GPR137C: variants seen among roughly 807,000 people sequenced by gnomAD.
GPR137C encodes the protein integral membrane protein GPR137C.
GPR137C carries 27 observed loss-of-function variants against 43.4 expected under a neutral mutation model. The observed-to-expected ratio is 0.62, with a 90% CI of 0.46 to 0.86. The LOEUF (loss-of-function observed/expected upper bound fraction) is 0.86. Among genes scored for constraint, GPR137C ranks in the 40% least tolerant of loss-of-function variants. GPR137C has a pLI of 0.00. For missense variants in GPR137C, 522 were observed against 534.6 expected (o/e 0.98, Z 0.23); for synonymous variants, 285 against 226.9 (o/e 1.26, Z -2.30).
At position 52,553,289 on chromosome 14, in the gene GPR137C, G is replaced by C. The variant is rs934074157; in HGVS notation, c.142G>C (p.Ala48Pro). The C allele has an allele frequency of 1.3e-6, 2 of 1,520,714 alleles. No homozygotes were observed. Among genetic ancestry groups the C allele is most frequent in the South Asian group, 1.2e-5 (1 of 81,096 alleles). 94.2% of individuals were successfully genotyped at this position (1,520,714 alleles called of 1,614,324 possible). Residue 48 changes from alanine to proline, a missense_variant, in exon 1 of 7, where the codon GCG becomes CCG. Physicochemically the swap from Ala to Pro is conservative, Grantham distance 27. Transcript: ENST00000321662. ...GAAVPGSVQLALSVLHALLYA... is the reference protein window; with the variant it reads ...GAAVPGSVQLPLSVLHALLYA... ...CGCGGTGCCGGGCTCCGTGCAGTTG[G>C]CGCTGAGCGTCCTGCACGCCCTGCT...
At position 52,577,514 on chromosome 14, in the gene GPR137C, G is replaced by GCACACACACACACACA. The variant is rs752625898; in HGVS notation, c.445-20757_445-20756insACACACACACACACAC. Among the ~76,000 whole-genome samples the GCACACACACACACACA allele has an allele frequency of 2.8e-3, 334 of 118,514 alleles. 3 individuals carry two copies. The highest frequency in any genetic ancestry group is 5.5e-3 in the Admixed American group (68 of 12,452). 77.7% of individuals were successfully genotyped at this position (118,514 alleles called of 152,430 possible). The stretch of plus-strand genomic sequence containing the variant: ...ACCAAACATGCACGCGTGCGCGCGC[G>GCACACACACACACACA]CGCACACACACACACACACACACAC... On this transcript the variant is annotated intron_variant, in intron 1 of 6. Transcript: ENST00000321662.
chr14:52,561,072 C>T (rs752142733), intron 1 of GPR137C, among the ~76,000 whole-genome samples: 10 of 150,862 alleles, frequency 6.6e-5, no homozygotes, highest in African/African-American at 9.9e-5. Context: ...ATATGCATAG[C>T]CAAGAAACAC....
At chr14:52,579,899 A>G (rs2038618703) in intron 1 of GPR137C, among the ~76,000 whole-genome samples, 2 of 152,246 alleles carry the variant, frequency 1.3e-5, no homozygotes, top group Non-Finnish European at 2.9e-5. Flanking sequence ...ATTCCAAGAA[A>G]GAAAACAGGT....
At chr14:52,621,222 C>A (rs906403729) in intron 3 of GPR137C, among the ~76,000 whole-genome samples, 4 of 151,750 alleles carry the variant, frequency 2.6e-5, no homozygotes, top group Non-Finnish European at 5.9e-5. Context: ...ACTCACTTCT[C>A]ATCAGAAATA....
chr14:52,614,390 G>C (rs1158190799), intron 3 of GPR137C, among the ~76,000 whole-genome samples: 1 of 152,062 alleles, frequency 6.6e-6, no homozygotes, highest in East Asian at 1.9e-4. Flanking sequence ...CAAATTGCTG[G>C]GATTACAGGT....
At chr14:52,580,601 C>T (rs111525392) in intron 1 of GPR137C, among the ~76,000 whole-genome samples, 3 of 151,768 alleles carry the variant, frequency 2.0e-5, no homozygotes, top group African/African-American at 7.2e-5. Flanking sequence ...TGAGCTCAGG[C>T]GATCCACCCA....
chr14:52,598,438 A>T (rs2038883548), intron 2 of GPR137C, 123 bp downstream of exon 2: 1 of 441,394 alleles, frequency 2.3e-6, no homozygotes, highest in African/African-American at 2.0e-5. Flanking sequence ...GGTAGAAGGG[A>T]GTGGTTGTTG....
At chr14:52,566,413 C>T (rs1285375089) in intron 1 of GPR137C, among the ~76,000 whole-genome samples, 1 of 152,152 alleles carries the variant, frequency 6.6e-6, no homozygotes. Context: ...ACTTTTATCC[C>T]TTTATAGCCC....
At chr14:52,592,137 A>T (rs1314066176) in intron 1 of GPR137C, among the ~76,000 whole-genome samples, 1 of 152,050 alleles carries the variant, frequency 6.6e-6, no homozygotes, top group Non-Finnish European at 1.5e-5. Flanking sequence ...ATGGTTGTAG[A>T]TGTGGGGTGT....
In GPR137C at chr14:52,575,929, A is replaced by G. The variant is rs575476575; in HGVS notation, c.444+22338A>G. ...ATCTTCTCCTAGTGGAGTCTTACAG[A>G]TAGAGCTTAGTCTCTCACTAAGAAG... On this transcript the variant is annotated intron_variant, in intron 1 of 6. Transcript: ENST00000321662. Among the ~76,000 whole-genome samples, 4 of 152,292 alleles carry G rather than the reference A, an allele frequency of 2.6e-5. No individual in the cohort carries two copies. In the South Asian group the frequency reaches 6.2e-4, roughly 24 times the overall value.
chr14:52,596,058 C>T (rs546746923), intron 1 of GPR137C, among the ~76,000 whole-genome samples: 1 of 152,272 alleles, frequency 6.6e-6, no homozygotes, highest in South Asian at 2.1e-4. Flanking sequence ...TATTAGTTTT[C>T]CTTCTAACAG....
intron 1 of GPR137C, among the ~76,000 whole-genome samples, chr14:52,570,513 A>C (rs1038995585): frequency 6.6e-6 from 1 of 152,214 alleles, no homozygotes; most frequent in African/African-American, 2.4e-5. Context: ...CCTTAAATGT[A>C]AACGGGCTAA....
Position 52,599,833 on chromosome 14 carries a change from C to A in GPR137C, c.489-280C>A, listed in dbSNP as rs139222699. Among the ~76,000 whole-genome samples, 960 of 152,228 alleles carry A rather than the reference C, an allele frequency of 6.3e-3. 12 individuals are homozygous for A. The highest frequency in any genetic ancestry group is 0.022 in the African/African-American group (899 of 41,534). Reference sequence around the variant, plus strand: ...GGCACATTGTAAAAGCCTGATAATTCTTGGATTGGAAAGGTTAATGTAAAT... The same window carrying A: ...GGCACATTGTAAAAGCCTGATAATTATTGGATTGGAAAGGTTAATGTAAAT... On this transcript the variant is annotated intron_variant, in intron 2 of 6. Transcript: ENST00000321662.
Position 52,553,372 on chromosome 14 carries a change from C to G in GPR137C, c.225C>G (p.Arg75=), listed in dbSNP as rs1189414710. 5.6e-6 allele frequency: 9 copies of G among 1,603,306 alleles called. No homozygotes were observed. Among genetic ancestry groups the G allele is most frequent in the South Asian group, 2.2e-5 (2 of 90,778 alleles). ...AGCTGTGGCGGCTGCTCCTGTACCG[C>G]GAGCGGCGGCTGAGTTACCAGAGCC... The part of the protein sequence containing the change: ...YLQLWRLLLY[R]ERRLSYQSLC... The change falls in exon 1 of 7, where the codon CGC becomes CGG. Residue 75 remains arginine, a synonymous_variant. Transcript: ENST00000321662.
At chr14:52,631,439 A>G (rs780278897) in intron 3 of GPR137C, among the ~76,000 whole-genome samples, 1 of 152,176 alleles carries the variant, frequency 6.6e-6, no homozygotes, top group Non-Finnish European at 1.5e-5. Flanking sequence ...TTTTTAATGC[A>G]TAAAATAAAA....
chr14:52,573,437 A>G (rs1354362546), intron 1 of GPR137C, among the ~76,000 whole-genome samples: 1 of 152,244 alleles, frequency 6.6e-6, no homozygotes, highest in Non-Finnish European at 1.5e-5. Context: ...CAACCATCTG[A>G]TCTTTGACAA....
intron 1 of GPR137C, among the ~76,000 whole-genome samples, chr14:52,591,582 T>C (rs2038785174): frequency 6.6e-6 from 1 of 152,246 alleles, no homozygotes; most frequent in Non-Finnish European, 1.5e-5. Flanking sequence ...TGAGCAGTGA[T>C]GATGAGTATT....
At position 52,636,509 on chromosome 14, in the gene GPR137C, T is replaced by C. The variant is rs2039354571; in HGVS notation, c.*1394T>C. 6.6e-6 allele frequency: 1 copy of C among 152,118 alleles called. No homozygotes were observed. Among genetic ancestry groups the C allele is most frequent in the Non-Finnish European group, 1.5e-5 (1 of 67,984 alleles). 9.4% of individuals were successfully genotyped at this position (152,118 alleles called of 1,614,324 possible). The stretch of plus-strand genomic sequence containing the variant: ...TGTCTGCTAGCTATTTCTTCAGAAC[T>C]GGAACTAATACGACTATCCTTTTCT... On this transcript the variant is annotated 3_prime_UTR_variant, in exon 7 of 7. Transcript: ENST00000321662.
intron 1 of GPR137C, among the ~76,000 whole-genome samples, chr14:52,595,842 T>C (rs545792045): frequency 9.8e-5 from 15 of 152,372 alleles, no homozygotes; most frequent in African/African-American, 3.6e-4. Context: ...TCGTTCTCCA[T>C]CCAGTTTTGT....
Sources: allele counts gnomAD v4.1 joint callset (sites outside exome capture counted in the v4.1 genomes callset), GRCh38; gene constraint gnomAD v4.1.1; transcripts MANE v1.5; gene names NCBI Gene and HGNC (gene_info 2026-07-23, HGNC 2026-07-21).